The following FGF14 variants were observed in gnomAD, a reference collection of about 807,000 sequenced individuals.
FGF14 encodes fibroblast growth factor 14.
FGF14 carries 5 observed loss-of-function variants against 25.5 expected under a neutral mutation model. The ratio of observed to expected loss-of-function variants is 0.20; its 90% CI spans 0.10 to 0.41. The LOEUF (loss-of-function observed/expected upper bound fraction) is 0.41, where lower values mean the gene tolerates loss of function less well. FGF14 is among the 10% of genes least tolerant of loss of function. The pLI is 1.00. For missense variants in FGF14, 222 were observed against 320.1 expected (o/e 0.69, Z 2.34); for synonymous variants, 138 against 118.3 (o/e 1.17, Z -1.08).
At chr13:101,960,362 A>C (rs55826217) in intron 1 of FGF14, among the ~76,000 whole-genome samples, 23,676 of 151,888 alleles carry the variant, frequency 0.16, 2,069 homozygotes, top group Admixed American at 0.26. Flanking sequence ...CCCCCAGCAT[A>C]CTCCACCTGA....
chr13:102,171,191 C>T (rs1422832941), intron 1 of FGF14, among the ~76,000 whole-genome samples: 1 of 152,106 alleles, frequency 6.6e-6, no homozygotes, highest in African/African-American at 2.4e-5. Flanking sequence ...TGATCGATCC[C>T]GCATTTTTAG....
intron 1 of FGF14, among the ~76,000 whole-genome samples, chr13:102,201,490 C>A (rs2049647446): frequency 6.6e-6 from 1 of 152,158 alleles, no homozygotes; most frequent in Non-Finnish European, 1.5e-5. Context: ...TGAAAAAATT[C>A]TCTGAGGTGT....
At chr13:102,179,360 T>G (rs1477473979) in intron 1 of FGF14, among the ~76,000 whole-genome samples, 2 of 152,032 alleles carry the variant, frequency 1.3e-5, no homozygotes, top group African/African-American at 4.8e-5. Context: ...CTGGTTCAAG[T>G]TTTTCCACTG....
intron 1 of FGF14, among the ~76,000 whole-genome samples, chr13:102,349,143 C>T (rs917520334): frequency 5.9e-5 from 9 of 152,166 alleles, no homozygotes; most frequent in African/African-American, 2.2e-4. Context: ...CTCCCCACAA[C>T]AAAGAATTCT....
chr13:102,357,359 C>T lies in FGF14; in HGVS notation c.208+44112G>A, dbSNP rs1180966797. Reference sequence around the variant, plus strand: ...CAGAGGTCTCCTCTGGGAGAGTGTGCGAGGGCACTGACAATATGTCTGTCA... The same window carrying T: ...CAGAGGTCTCCTCTGGGAGAGTGTGTGAGGGCACTGACAATATGTCTGTCA... On this transcript the variant is annotated intron_variant, in intron 1 of 4. Transcript: ENST00000376131. Among the ~76,000 whole-genome samples, 4 of 152,052 alleles carry T rather than the reference C, an allele frequency of 2.6e-5. No individual in the cohort carries two copies. In the East Asian group the frequency reaches 5.8e-4, roughly 22 times the overall value.
In FGF14 at chr13:101,834,810, A is replaced by T. The variant is rs566878635; in HGVS notation, c.408+33915T>A. 3.3e-5 allele frequency among the ~76,000 whole-genome samples: 5 copies of T among 152,236 alleles called. No individual in the cohort carries two copies. In the South Asian group the frequency reaches 1.0e-3, roughly 32 times the overall value. Reference sequence around the variant, plus strand: ...TGAGAGTTCATATTTAACCAGCACAAGAGTTATAAATGAGGAATACAGTGT... The same window carrying T: ...TGAGAGTTCATATTTAACCAGCACATGAGTTATAAATGAGGAATACAGTGT... On this transcript the variant is annotated intron_variant, in intron 3 of 4. Transcript: ENST00000376143.
chr13:101,728,254 A>G (rs2035572986), intron 3 of FGF14, among the ~76,000 whole-genome samples: 1 of 152,204 alleles, frequency 6.6e-6, no homozygotes, highest in East Asian at 1.9e-4. Flanking sequence ...GACAAAGATG[A>G]CAGTTACAGT....
At chr13:101,756,517 G>A (rs1237069351) in intron 3 of FGF14, among the ~76,000 whole-genome samples, 2 of 152,064 alleles carry the variant, frequency 1.3e-5, no homozygotes, top group African/African-American at 2.4e-5. Context: ...GGCGGATCAC[G>A]AGGTCAGGAG....
intron 1 of FGF14, among the ~76,000 whole-genome samples, chr13:102,088,008 T>C (rs2044004746): frequency 6.6e-6 from 1 of 152,228 alleles, no homozygotes; most frequent in African/African-American, 2.4e-5. Flanking sequence ...GAGAATGACT[T>C]ATGGTGGTTA....
At chr13:101,839,517 A>G (rs2043097528) in intron 3 of FGF14, among the ~76,000 whole-genome samples, 1 of 151,968 alleles carries the variant, frequency 6.6e-6, no homozygotes, top group African/African-American at 2.4e-5. Flanking sequence ...GAAAACATAT[A>G]TATGTATTTT....
chr13:102,055,913 C>T (rs2042408778), intron 1 of FGF14, among the ~76,000 whole-genome samples: 1 of 152,166 alleles, frequency 6.6e-6, no homozygotes, highest in Non-Finnish European at 1.5e-5. Flanking sequence ...TACCTGACAG[C>T]AGCCAAGATA....
intron 1 of FGF14, among the ~76,000 whole-genome samples, chr13:102,369,438 G>A (rs959069530): frequency 1.3e-5 from 2 of 152,202 alleles, no homozygotes; most frequent in African/African-American, 4.8e-5. Context: ...TAATTGCCAT[G>A]TGACAGACCA....
At position 101,795,953 on chromosome 13, in the gene FGF14, ATAC is replaced by A. The variant is rs67654154; in HGVS notation, c.409-69146_409-69144del. Among the ~76,000 whole-genome samples the A allele has an allele frequency of 1.2e-3, 188 of 152,208 alleles. 1 individual carries two copies. Among genetic ancestry groups the A allele is most frequent in the African/African-American group, 4.4e-3 (182 of 41,556 alleles). On this transcript the variant is annotated intron_variant, in intron 3 of 4. Transcript: ENST00000376143. ...AGCTGAATTGAGGAAAAAATGCCAA[ATAC>A]GATAGAATTTAGCTTGTGTAAAGTG...
chr13:102,373,016 T>C (rs2057933956), intron 1 of FGF14, among the ~76,000 whole-genome samples: 1 of 152,132 alleles, frequency 6.6e-6, no homozygotes, highest in African/African-American at 2.4e-5. Context: ...CTTAAGACCT[T>C]AGAACTACTT....
At chr13:102,298,690 C>T (rs540593778) in intron 1 of FGF14, among the ~76,000 whole-genome samples, 1 of 152,208 alleles carries the variant, frequency 6.6e-6, no homozygotes, top group Admixed American at 6.5e-5. Context: ...CCTAATTATA[C>T]TGTGCTGCTT....
chr13:102,175,068 C>A (rs2048390819), intron 1 of FGF14, among the ~76,000 whole-genome samples: 1 of 152,100 alleles, frequency 6.6e-6, no homozygotes, highest in Non-Finnish European at 1.5e-5. Context: ...TATCAAATTA[C>A]CAATGTCATA....
intron 3 of FGF14, among the ~76,000 whole-genome samples, chr13:101,741,764 G>A (rs2036575352): frequency 6.6e-6 from 1 of 151,958 alleles, no homozygotes; most frequent in African/African-American, 2.4e-5. Flanking sequence ...TGGTTTCATA[G>A]ATTAGTTCTT....
At chr13:101,926,317 TACC>T (rs2034361372) in intron 1 of FGF14, among the ~76,000 whole-genome samples, 1 of 152,198 alleles carries the variant, frequency 6.6e-6, no homozygotes, top group Non-Finnish European at 1.5e-5. Context: ...TCCGGTTTCC[TACC>T]AACATAATTT....
At chr13:102,374,933 T>A (rs1211778896) in intron 1 of FGF14, among the ~76,000 whole-genome samples, 2 of 151,890 alleles carry the variant, frequency 1.3e-5, no homozygotes, top group Non-Finnish European at 2.9e-5. Flanking sequence ...TTCTGCAAGA[T>A]AAAGAATATG....
Sources: gnomAD v4.1 joint callset for allele counts (sites outside exome capture counted in the v4.1 genomes callset) on GRCh38, gnomAD v4.1.1 for gene constraint, MANE v1.5 for transcripts, NCBI Gene and HGNC (gene_info 2026-07-23, HGNC 2026-07-21) for gene names.